Variants in ACTN4 observed in about 807,000 individuals in gnomAD.
The protein encoded by ACTN4 is alpha-actinin-4.
In ACTN4, 18 loss-of-function variants were observed where a neutral mutation model predicts 114.2. That is an observed-to-expected ratio of 0.16 (90% CI 0.11 to 0.23). The LOEUF is 0.23. Ranked by LOEUF, ACTN4 falls within the 10% of genes least tolerant of loss-of-function variation. The probability of loss-of-function intolerance (pLI) is 1.00; values close to 1 mark genes in which losing one functional copy is unlikely to be tolerated. For synonymous variants in ACTN4, 515 were observed against 506.3 expected, an observed-to-expected ratio of 1.02 and a Z score of -0.23; for missense variants, 722 against 1,262.9, an observed-to-expected ratio of 0.57 and a Z score of 6.49.
chr19:38,703,457 C>T (rs1968351677), intron 3 of ACTN4, among the ~76,000 whole-genome samples: 2 of 151,648 alleles, frequency 1.3e-5, no homozygotes, highest in African/African-American at 2.4e-5. Flanking sequence ...GGGCTGGTCT[C>T]GAACTCCTGA....
intron 1 of ACTN4, among the ~76,000 whole-genome samples, chr19:38,648,448 C>G (rs190514534): frequency 6.6e-6 from 1 of 151,670 alleles, no homozygotes; most frequent in East Asian, 1.9e-4. Flanking sequence ...GATGAAGAAT[C>G]AAGTGTGAGG....
chr19:38,729,679 G>GTGTT lies in ACTN4; in HGVS notation c.*248_*251dup. 1.4e-6 allele frequency: 1 copy of GTGTT among 691,746 alleles called. No individual in the cohort carries two copies. Among genetic ancestry groups the GTGTT allele is most frequent in the South Asian group, 1.5e-5 (1 of 66,666 alleles). 42.9% of individuals were successfully genotyped at this position (691,746 alleles called of 1,614,324 possible). On this transcript the variant is annotated 3_prime_UTR_variant, in exon 21 of 21. Transcript: ENST00000252699. ...TTCTGGTCTGGTAAATATGTATGAT[G>GTGTT]TGTTGTGCTTTTTTAACCAAGGAGG... is the stretch of plus-strand genomic sequence containing the variant.
intron 1 of ACTN4, among the ~76,000 whole-genome samples, chr19:38,688,564 C>T (rs1345300478): frequency 4.0e-5 from 6 of 151,746 alleles, no homozygotes; most frequent in Non-Finnish European, 8.8e-5. Flanking sequence ...GGGTGAGACC[C>T]TGTCTCTAAA....
chr19:38,661,309 G>C (rs1373957904), intron 1 of ACTN4, among the ~76,000 whole-genome samples: 2 of 152,200 alleles, frequency 1.3e-5, no homozygotes, highest in African/African-American at 4.8e-5. Context: ...GGCAGAACAT[G>C]AATCAGCCAA....
chr19:38,702,633 G>T (rs1968319503), intron 3 of ACTN4, among the ~76,000 whole-genome samples: 1 of 152,226 alleles, frequency 6.6e-6, no homozygotes, highest in African/African-American at 2.4e-5. Context: ...GGCTCGAGCT[G>T]CCTCGCTGCA....
chr19:38,695,289 A>G (rs991178841), intron 1 of ACTN4, among the ~76,000 whole-genome samples: 2 of 152,204 alleles, frequency 1.3e-5, no homozygotes, highest in Non-Finnish European at 2.9e-5. Context: ...TCCTGAGGGC[A>G]TGGCCACTGC....
intron 1 of ACTN4, among the ~76,000 whole-genome samples, chr19:38,681,129 G>GAAA (rs35906770): frequency 4.6e-4 from 32 of 69,202 alleles, no homozygotes; most frequent in South Asian, 5.9e-4. Flanking sequence ...CCAATCTCTA[G>GAAA]AAAAAAAAAA....
rs865815931 is a variant in ACTN4 at position 38,724,232 on chromosome 19, A to G, written c.1768A>G (p.Ile590Val). 61 of 1,613,960 alleles carry G rather than the reference A, an allele frequency of 3.8e-5. 4 individuals carry two copies. In the Middle Eastern group the frequency reaches 6.4e-3, roughly 170 times the overall value. Residue 590 changes from isoleucine (I) to valine (V), a missense_variant, in exon 15 of 21, where the codon ATC becomes GTC. Ile to Val is a conservative substitution (Grantham distance 29). This residue lies in a region of ACTN4 where 523 missense variants were observed against 875.9 expected (regional missense o/e 0.60). Coordinates refer to ENST00000252699, the MANE Select transcript of ACTN4 (RefSeq NM_004924.6). The surrounding 1 kb of genome is among the most constrained non-coding windows in gnomAD (Gnocchi z 7.0). ...ADREREAILA[I>V]HKEAQRIAES... ...TAGGGAGCGCGAGGCCATCCTGGCC[A>G]TCCACAAGGAGGCCCAGAGGATCGC...
chr19:38,699,521 G>T (rs994565583), intron 1 of ACTN4, among the ~76,000 whole-genome samples: 3 of 152,136 alleles, frequency 2.0e-5, no homozygotes, highest in African/African-American at 7.2e-5. Flanking sequence ...TTGGGAGACC[G>T]AGGCGGGTAG....
At chr19:38,652,821 C>T (rs553617540) in intron 1 of ACTN4, among the ~76,000 whole-genome samples, 28 of 152,162 alleles carry the variant, frequency 1.8e-4, no homozygotes, top group Non-Finnish European at 2.8e-4. Flanking sequence ...CGCAGTGGCT[C>T]GCGCCTGTAA....
At chr19:38,705,103 A>T (rs1968413161) in intron 4 of ACTN4, 83 bp downstream of exon 4, 2 of 1,302,226 alleles carry the variant, frequency 1.5e-6, no homozygotes, top group Admixed American at 3.4e-5. Flanking sequence ...TTCATGCTTC[A>T]AGCCTCTTCC....
intron 1 of ACTN4, among the ~76,000 whole-genome samples, chr19:38,681,347 A>G (rs1967569383): frequency 6.6e-6 from 1 of 151,808 alleles, no homozygotes; most frequent in African/African-American, 2.4e-5. Flanking sequence ...GTTTGGATTG[A>G]GGCTCCCTAG....
At chr19:38,712,975 A>T (rs950784960) in intron 8 of ACTN4, among the ~76,000 whole-genome samples, 2 of 151,572 alleles carry the variant, frequency 1.3e-5, no homozygotes, top group African/African-American at 4.8e-5. Context: ...GGGGTAGTGG[A>T]GGCCCGGCTG....
chr19:38,728,972 C>T (rs1328012941), intron 19 of ACTN4, 24 bp from the exon 20 acceptor site: 2 of 1,611,898 alleles, frequency 1.2e-6, no homozygotes, highest in Non-Finnish European at 1.7e-6. Context: ...GTCGGGTGTC[C>T]CCCACCCCAC....
chr19:38,695,353 G>A (rs2144972243), intron 1 of ACTN4, among the ~76,000 whole-genome samples: 1 of 152,190 alleles, frequency 6.6e-6, no homozygotes, highest in East Asian at 1.9e-4. Flanking sequence ...CCGCGATCAT[G>A]AAGCCCAGGA....
At chr19:38,658,310 G>A (rs1161878312) in intron 1 of ACTN4, among the ~76,000 whole-genome samples, 1 of 152,154 alleles carries the variant, frequency 6.6e-6, no homozygotes, top group Non-Finnish European at 1.5e-5. Flanking sequence ...TCTCAGCTAT[G>A]TGACTTCTTA....
At chr19:38,708,030 T>G (rs1968517510) in intron 5 of ACTN4, 87 bp from the exon 6 acceptor site, 2 of 1,315,822 alleles carry the variant, frequency 1.5e-6, no homozygotes, top group Non-Finnish European at 2.2e-6. Context: ...GAATGGGAAT[T>G]AGTCACTGCT....
chr19:38,678,056 A>AGG (rs1301914621), intron 1 of ACTN4, among the ~76,000 whole-genome samples: 1 of 152,208 alleles, frequency 6.6e-6, no homozygotes, highest in East Asian at 1.9e-4. Flanking sequence ...TAGGCAGAAG[A>AGG]GGGAGACATC....
At chr19:38,670,558 G>T (rs1967096469) in intron 1 of ACTN4, among the ~76,000 whole-genome samples, 1 of 152,138 alleles carries the variant, frequency 6.6e-6, no homozygotes, top group Non-Finnish European at 1.5e-5. Flanking sequence ...CTAGCTGATG[G>T]TGGCCAGGTG....
Sources: gnomAD v4.1 joint callset for allele counts (sites outside exome capture counted in the v4.1 genomes callset) on GRCh38, gnomAD v4.1.1 for gene constraint, gnomAD v4.1.1 regional missense constraint, Gnocchi (gnomAD v3.1) non-coding constraint, MANE v1.5 for transcripts, NCBI Gene and HGNC (gene_info 2026-07-23, HGNC 2026-07-21) for gene names.